Variants in BACH2 observed in about 807,000 individuals in gnomAD.
BACH2 encodes the protein BACH transcriptional regulator 2.
In BACH2, 5 loss-of-function variants were observed where a neutral mutation model predicts 61.8. The observed-to-expected ratio is 0.08, with a 90% CI of 0.04 to 0.17. The LOEUF is 0.17. Among genes scored for constraint, BACH2 ranks in the 10% least tolerant of loss-of-function variants. The pLI, the probability that BACH2 is intolerant of heterozygous loss-of-function variation, is 1.00. For missense variants in BACH2, 824 were observed against 1,091.1 expected, an observed-to-expected ratio of 0.76 and a Z score of 3.45; for synonymous variants, 446 against 440.1, an observed-to-expected ratio of 1.01 and a Z score of -0.17.
intron 6 of BACH2, among the ~76,000 whole-genome samples, chr6:89,969,148 G>A (rs903152722): frequency 1.7e-4 from 25 of 150,436 alleles, no homozygotes; most frequent in Non-Finnish European, 3.7e-4. Flanking sequence ...CCGCCTCCTG[G>A]GTTCAAGCGA....
chr6:90,121,313 A>C (rs1293300335), intron 4 of BACH2, among the ~76,000 whole-genome samples: 1 of 152,176 alleles, frequency 6.6e-6, no homozygotes, highest in Non-Finnish European at 1.5e-5. Flanking sequence ...CTAATGAGAA[A>C]ACACCCAGTC....
intron 3 of BACH2, among the ~76,000 whole-genome samples, chr6:90,233,239 AC>A (rs1378780991): frequency 6.6e-6 from 1 of 152,154 alleles, no homozygotes; most frequent in Non-Finnish European, 1.5e-5. Context: ...CTTTGGCCAG[AC>A]CCCAGAAGAC....
At chr6:90,296,025 C>T (rs1053716316) in intron 1 of BACH2, among the ~76,000 whole-genome samples, 2 of 152,070 alleles carry the variant, frequency 1.3e-5, no homozygotes, top group African/African-American at 4.8e-5. Flanking sequence ...GCTGGGATCG[C>T]AGGCTGGGGG....
chr6:90,022,763 T>A (rs1778444468), intron 5 of BACH2, among the ~76,000 whole-genome samples: 1 of 152,200 alleles, frequency 6.6e-6, no homozygotes, highest in Non-Finnish European at 1.5e-5. Context: ...TTTGACAATA[T>A]CAAGTGCATT....
chr6:90,074,955 TG>T (rs952376240), intron 5 of BACH2, among the ~76,000 whole-genome samples: 13 of 152,114 alleles, frequency 8.5e-5, no homozygotes, highest in African/African-American at 3.1e-4. Context: ...CTCTACAGAA[TG>T]GAAGAGAATC....
chr6:90,058,668 C>G (rs1334737990), intron 5 of BACH2, among the ~76,000 whole-genome samples: 1 of 152,156 alleles, frequency 6.6e-6, no homozygotes, highest in African/African-American at 2.4e-5. Context: ...ATCGCCAAGT[C>G]AATCCTAAGC....
intron 5 of BACH2, among the ~76,000 whole-genome samples, chr6:90,029,071 G>C (rs927002134): frequency 6.6e-6 from 1 of 152,066 alleles, no homozygotes; most frequent in East Asian, 1.9e-4. Context: ...TTTTCTTCAC[G>C]TAAGTATTTC....
At chr6:89,979,124 T>C (rs1179756841) in intron 6 of BACH2, among the ~76,000 whole-genome samples, 1 of 152,192 alleles carries the variant, frequency 6.6e-6, no homozygotes, top group Non-Finnish European at 1.5e-5. Context: ...AATAACTGTA[T>C]GGACAGAAGT....
intron 6 of BACH2, among the ~76,000 whole-genome samples, chr6:89,953,920 T>C (rs528800041): frequency 3.7e-4 from 57 of 152,362 alleles, no homozygotes; most frequent in African/African-American, 1.2e-3. Flanking sequence ...GACACTTTTG[T>C]ATCCTGCTAA....
At chr6:89,937,496 C>T (rs1169564821) in intron 8 of BACH2, among the ~76,000 whole-genome samples, 1 of 152,134 alleles carries the variant, frequency 6.6e-6, no homozygotes, top group South Asian at 2.1e-4. Flanking sequence ...TAGAAGAATA[C>T]CTGGACCATA....
intron 2 of BACH2, among the ~76,000 whole-genome samples, chr6:90,262,018 T>C (rs1230415940): frequency 6.6e-6 from 1 of 152,274 alleles, no homozygotes; most frequent in East Asian, 1.9e-4. Flanking sequence ...CAAGAGAATA[T>C]TTCTAAAGCA....
intron 4 of BACH2, among the ~76,000 whole-genome samples, chr6:90,183,178 T>C (rs1181073089): frequency 6.6e-6 from 1 of 152,220 alleles, no homozygotes; most frequent in East Asian, 1.9e-4. Context: ...CAGTGTGAGA[T>C]TATCTACTGA....
intron 3 of BACH2, among the ~76,000 whole-genome samples, chr6:90,212,500 C>T (rs1769390232): frequency 6.6e-6 from 1 of 152,168 alleles, no homozygotes; most frequent in Non-Finnish European, 1.5e-5. Flanking sequence ...ATGGAGGCAG[C>T]AAACACACTA....
rs118113068 is a variant in BACH2, at chr6:89,962,738, A to C, written c.244-10876T>G. On this transcript the variant is annotated intron_variant, in intron 6 of 8. Transcript: ENST00000257749. Reference sequence around the variant, plus strand: ...TGTTAACATAAAAATCTGTTTAAAAATGTCTTGAACCCAAAATTATAAAAC... The same window carrying C: ...TGTTAACATAAAAATCTGTTTAAAACTGTCTTGAACCCAAAATTATAAAAC... Among the ~76,000 whole-genome samples, 132 of 152,342 alleles carry C rather than the reference A, an allele frequency of 8.7e-4. 2 individuals carry two copies. In the East Asian group the frequency reaches 0.023, roughly 27 times the overall value.
intron 3 of BACH2, among the ~76,000 whole-genome samples, chr6:90,247,948 ACT>A (rs1770690914): frequency 1.3e-5 from 2 of 151,986 alleles, no homozygotes; most frequent in Admixed American, 6.6e-5. Context: ...GATTAATTTT[ACT>A]CTCTTATATG....
intron 1 of BACH2, among the ~76,000 whole-genome samples, chr6:90,276,398 A>C (rs1771692939): frequency 6.6e-6 from 1 of 152,202 alleles, no homozygotes; most frequent in African/African-American, 2.4e-5. Flanking sequence ...ATAAGTCTAA[A>C]CATAAAACAC....
At chr6:90,055,995 T>C (rs373236868) in intron 5 of BACH2, among the ~76,000 whole-genome samples, 3 of 152,022 alleles carry the variant, frequency 2.0e-5, no homozygotes, top group African/African-American at 4.8e-5. Context: ...AAGGAACAAC[T>C]GGTACCAGCC....
At chr6:89,981,672 G>T (rs920580832) in intron 6 of BACH2, among the ~76,000 whole-genome samples, 1 of 152,224 alleles carries the variant, frequency 6.6e-6, no homozygotes, top group South Asian at 2.1e-4. Context: ...AATTATTAGC[G>T]AGAAAATAAT....
At chr6:90,177,519 G>A (rs1768020519) in intron 4 of BACH2, among the ~76,000 whole-genome samples, 1 of 152,176 alleles carries the variant, frequency 6.6e-6, no homozygotes, top group Non-Finnish European at 1.5e-5. Context: ...GTTAGTAAGT[G>A]GTAGAATTCT....
Sources: allele counts gnomAD v4.1 joint callset (sites outside exome capture counted in the v4.1 genomes callset), GRCh38; gene constraint gnomAD v4.1.1; transcripts MANE v1.5; gene names NCBI Gene and HGNC (gene_info 2026-07-23, HGNC 2026-07-21).